Variants in ZC3H12D observed in about 807,000 individuals in gnomAD.
ZC3H12D encodes the protein zinc finger CCCH-type containing 12D, also known as probable ribonuclease ZC3H12D.
In ZC3H12D, 11 loss-of-function variants were observed where a neutral mutation model predicts 24.2. The ratio of observed to expected loss-of-function variants is 0.46; its 90% CI spans 0.29 to 0.75. The LOEUF is 0.75. Among genes scored for constraint, ZC3H12D ranks in the 30% least tolerant of loss-of-function variants. The pLI, the probability that ZC3H12D is intolerant of heterozygous loss-of-function variation, is 0.11. For synonymous variants in ZC3H12D, 333 were observed against 341.8 expected, an observed-to-expected ratio of 0.97 and a Z score of 0.28; for missense variants, 740 against 767.7, an observed-to-expected ratio of 0.96 and a Z score of 0.43.
chr6:149,465,341 G>A (rs1204647572), intron 2 of ZC3H12D, among the ~76,000 whole-genome samples: 3 of 134,174 alleles, frequency 2.2e-5, no homozygotes, highest in Non-Finnish European at 3.1e-5. Flanking sequence ...GTGACAGTGT[G>A]AGACTCTGTC....
chr6:149,476,714 G>A (rs541931795), intron 1 of ZC3H12D, among the ~76,000 whole-genome samples: 2 of 152,024 alleles, frequency 1.3e-5, no homozygotes, highest in African/African-American at 2.4e-5. Context: ...AGGCTGAGAC[G>A]GGAAAATCAC....
chr6:149,457,675 C>G (rs393713), intron 3 of ZC3H12D, among the ~76,000 whole-genome samples: 55,347 of 151,988 alleles, frequency 0.36, 10,603 homozygotes, highest in African/African-American at 0.46. Context: ...GGTAAACATG[C>G]ACCAGATGGT....
chr6:149,465,082 G>A (rs559291498), intron 2 of ZC3H12D, among the ~76,000 whole-genome samples: 21 of 152,286 alleles, frequency 1.4e-4, no homozygotes, highest in African/African-American at 3.9e-4. Flanking sequence ...AAAAGGACGC[G>A]GTGGCTCATG....
intron 1 of ZC3H12D, among the ~76,000 whole-genome samples, chr6:149,482,059 CT>C (rs1348262135): frequency 6.6e-6 from 1 of 152,218 alleles, no homozygotes; most frequent in Non-Finnish European, 1.5e-5. Context: ...GGCAGCTCCC[CT>C]AGGGGCCCTC....
chr6:149,471,511 A>G (rs989265085), intron 2 of ZC3H12D, among the ~76,000 whole-genome samples: 2 of 152,212 alleles, frequency 1.3e-5, no homozygotes, highest in African/African-American at 4.8e-5. Context: ...ATTATCTGTA[A>G]TGTCTCATTC....
intron 2 of ZC3H12D, among the ~76,000 whole-genome samples, chr6:149,465,679 T>G (rs1024601741): frequency 1.4e-5 from 2 of 147,228 alleles, no homozygotes; most frequent in African/African-American, 5.0e-5. Flanking sequence ...CACTTGAACC[T>G]GGGAGGTGGA....
chr6:149,459,607 C>CT, intron 3 of ZC3H12D: 2 of 717,614 alleles, frequency 2.8e-6, no homozygotes, highest in Non-Finnish European at 5.2e-6. Context: ...GGATGACTAA[C>CT]AGGTGAGCTG....
intron 2 of ZC3H12D, among the ~76,000 whole-genome samples, chr6:149,462,296 C>T (rs1776086498): frequency 6.6e-6 from 1 of 152,120 alleles, no homozygotes; most frequent in Non-Finnish European, 1.5e-5. Flanking sequence ...ATCACTTGAA[C>T]CCGAAAGATG....
intron 2 of ZC3H12D, among the ~76,000 whole-genome samples, chr6:149,471,176 C>T (rs563896142): frequency 6.6e-6 from 1 of 152,374 alleles, no homozygotes; most frequent in Admixed American, 6.5e-5. Flanking sequence ...ACTCTGTCAA[C>T]CTCCAGAGAG....
At chr6:149,472,815 G>C (rs1467486055) in intron 2 of ZC3H12D, among the ~76,000 whole-genome samples, 2 of 152,154 alleles carry the variant, frequency 1.3e-5, no homozygotes, top group African/African-American at 4.8e-5. Flanking sequence ...TTTGATTTAA[G>C]CATTCAAAGC....
rs375874632 is a variant in ZC3H12D, at chr6:149,447,707, T to C, written c.*2976A>G. The C allele has an allele frequency of 3.3e-5, 5 of 152,380 alleles. No individual in the cohort carries two copies. The highest frequency in any genetic ancestry group is 2.0e-4 in the Admixed American group (3 of 15,310). 9.4% of individuals were successfully genotyped at this position (152,380 alleles called of 1,614,324 possible). ...ACATTTCATTTACCTGTCCCATCTA[T>C]GTTTTTCTGTCACAAAGACATATAC... On this transcript the variant is annotated 3_prime_UTR_variant, in exon 6 of 6. Coordinates refer to ENST00000409806, the MANE Select transcript of ZC3H12D (RefSeq NM_207360.3).
intron 2 of ZC3H12D, 70 bp downstream of exon 2, chr6:149,474,169 A>C (rs1776292318): frequency 1.5e-6 from 2 of 1,336,838 alleles, no homozygotes; most frequent in Non-Finnish European, 2.0e-6. Flanking sequence ...CACAAGGAAG[A>C]GGGACAGTTC....
chr6:149,466,052 C>T (rs575976619), intron 2 of ZC3H12D, among the ~76,000 whole-genome samples: 6 of 152,096 alleles, frequency 3.9e-5, no homozygotes, highest in African/African-American at 7.2e-5. Flanking sequence ...AGTCTGAAGC[C>T]ACACCCCATC....
intron 1 of ZC3H12D, among the ~76,000 whole-genome samples, 164 bp downstream of exon 1, chr6:149,484,649 G>C (rs1172560517): frequency 6.6e-6 from 1 of 152,190 alleles, no homozygotes; most frequent in Admixed American, 6.5e-5. Flanking sequence ...ATAATTTAGA[G>C]TGTGAGAAAT....
rs1465813386 is a variant in ZC3H12D at position 149,451,385 on chromosome 6, C to T, written c.882G>A (p.Lys294=). The change falls in exon 6 of 6, where the codon AAG becomes AAA. Residue 294 remains lysine (K), a synonymous_variant. Transcript: ENST00000409806. ...CGCCCGCGCCAGGCCGGGCCCCTGT[C>T]TTGGCGCGGAGCTCGTCGGCCACCG... ...QLAVADELRA[K]TGARPGAGAE... 3 of 1,557,592 alleles carry T rather than the reference C, an allele frequency of 1.9e-6. No individual in the cohort carries two copies. Among genetic ancestry groups the T allele is most frequent in the Non-Finnish European group, 2.6e-6 (3 of 1,163,268 alleles).
chr6:149,455,456 C>A (rs985460386), intron 4 of ZC3H12D, among the ~76,000 whole-genome samples: 1 of 152,176 alleles, frequency 6.6e-6, no homozygotes, highest in Non-Finnish European at 1.5e-5. Flanking sequence ...GCTAACACTG[C>A]CTGGAACAGA....
rs412746 is a variant in ZC3H12D, at chr6:149,450,208, T to C, written c.*475A>G. The C allele has an allele frequency of 0.96, 149,289 of 155,412 alleles. 71,730 individuals carry two copies. Among genetic ancestry groups the C allele is most frequent in the African/African-American group, 0.98 (40,923 of 41,688 alleles). The allele number at this position is 155,412 out of a possible 1,614,324, so 9.6% of individuals were successfully genotyped here. A position where few individuals can be genotyped will look rare whatever the true frequency, so the allele number is the denominator to read the frequency against. On this transcript the variant is annotated 3_prime_UTR_variant, in exon 6 of 6. Transcript: ENST00000409806. ...AAGCAATGAAATTCAAGAGCATTCATAGTCTTTTTTAAACTTCTGACTACG... is the reference window on the plus strand; with the variant it reads ...AAGCAATGAAATTCAAGAGCATTCACAGTCTTTTTTAAACTTCTGACTACG...
Position 149,450,608 on chromosome 6 carries a change from G to T in ZC3H12D, c.*75C>A. On this transcript the variant is annotated 3_prime_UTR_variant, in exon 6 of 6. Coordinates refer to ENST00000409806, the MANE Select transcript of ZC3H12D (RefSeq NM_207360.3). ...CCATGATGGGCCCACTCAGGTCCAG[G>T]CTGGCAACCACAGGTCCACCCGTCC... 7.2e-7 allele frequency: 1 copy of T among 1,390,542 alleles called. No individual in the cohort carries two copies. Among genetic ancestry groups the T allele is most frequent in the Non-Finnish European group, 9.5e-7 (1 of 1,054,466 alleles). 86.1% of individuals were successfully genotyped at this position (1,390,542 alleles called of 1,614,324 possible).
At chr6:149,472,575 T>C (rs1776262696) in intron 2 of ZC3H12D, among the ~76,000 whole-genome samples, 1 of 151,688 alleles carries the variant, frequency 6.6e-6, no homozygotes, top group Non-Finnish European at 1.5e-5. Context: ...TCAATGGATG[T>C]ACCCACGACA....
Sources: allele counts gnomAD v4.1 joint callset (sites outside exome capture counted in the v4.1 genomes callset), GRCh38; gene constraint gnomAD v4.1.1; transcripts MANE v1.5; gene names NCBI Gene and HGNC (gene_info 2026-07-23, HGNC 2026-07-21).